The following KCNH7 variants were observed in gnomAD, a reference collection of about 807,000 sequenced individuals.
KCNH7 encodes voltage-gated inwardly rectifying potassium channel KCNH7.
In KCNH7, 49 loss-of-function variants were observed where a neutral mutation model predicts 120.8. The observed-to-expected ratio is 0.41, with a 90% CI of 0.32 to 0.51. The LOEUF is 0.51. Among genes scored for constraint, KCNH7 ranks in the 20% least tolerant of loss-of-function variants. The probability of loss-of-function intolerance (pLI) is 0.38; values close to 1 mark genes in which losing one functional copy is unlikely to be tolerated. For synonymous variants in KCNH7, 547 were observed against 516.1 expected (o/e 1.06, Z -0.81); for missense variants, 1,097 against 1,446.6 (o/e 0.76, Z 3.92).
At chr2:162,464,772 T>C (rs747464014) in intron 6 of KCNH7, among the ~76,000 whole-genome samples, 33 of 152,210 alleles carry the variant, frequency 2.2e-4, no homozygotes, top group Non-Finnish European at 4.4e-4. Flanking sequence ...ACTCATTTCA[T>C]AAATAATCCT....
intron 6 of KCNH7, among the ~76,000 whole-genome samples, chr2:162,491,425 C>T (rs1403790361): frequency 2.0e-5 from 3 of 152,174 alleles, no homozygotes; most frequent in Non-Finnish European, 4.4e-5. Context: ...ACTCCCTTTC[C>T]TCTCCCTTGT....
At chr2:162,388,581 T>C (rs529743371) in intron 12 of KCNH7, among the ~76,000 whole-genome samples, 58 of 152,038 alleles carry the variant, frequency 3.8e-4, no homozygotes, top group African/African-American at 1.4e-3. Flanking sequence ...AAGCTAATCA[T>C]TGTTTGCTAT....
chr2:162,450,326 T>A (rs188938457), intron 6 of KCNH7, among the ~76,000 whole-genome samples: 2 of 152,196 alleles, frequency 1.3e-5, no homozygotes, highest in East Asian at 3.9e-4. Context: ...CACTGCAATT[T>A]GGTATGTATA....
rs867337575 is a variant in KCNH7, at chr2:162,679,445, G to T, written c.308-142365C>A. Among the ~76,000 whole-genome samples, 3 of 151,266 alleles carry T rather than the reference G, an allele frequency of 2.0e-5. No homozygotes were observed. The East Asian group carries it at 5.8e-4, about 29-fold the overall frequency. ...TTGCATGTTATGCTTTTGGGAAGAG[G>T]GATTATTAAACCTTTAAAAACTCCT... is the stretch of plus-strand genomic sequence containing the variant. On this transcript the variant is annotated intron_variant, in intron 2 of 15. Transcript: ENST00000332142.
intron 13 of KCNH7, among the ~76,000 whole-genome samples, chr2:162,381,954 G>A (rs1004225264): frequency 6.6e-6 from 1 of 152,016 alleles, no homozygotes; most frequent in Non-Finnish European, 1.5e-5. Context: ...CTATATAAAT[G>A]GTCTGGTGAT....
intron 2 of KCNH7, among the ~76,000 whole-genome samples, chr2:162,617,978 A>G (rs1683210962): frequency 1.3e-5 from 2 of 152,018 alleles, no homozygotes; most frequent in African/African-American, 2.4e-5. Flanking sequence ...ATAAACTTAA[A>G]ATTTAGGGAG....
At chr2:162,443,447 C>G (rs1370790390) in intron 7 of KCNH7, among the ~76,000 whole-genome samples, 1 of 152,154 alleles carries the variant, frequency 6.6e-6, no homozygotes, top group African/African-American at 2.4e-5. Context: ...CAGCAACCCT[C>G]CTGCCCTTCA....
intron 2 of KCNH7, among the ~76,000 whole-genome samples, chr2:162,723,141 T>A (rs1687389132): frequency 6.6e-6 from 1 of 151,820 alleles, no homozygotes; most frequent in Non-Finnish European, 1.5e-5. Flanking sequence ...TTAGTGTTAG[T>A]TTTTGGAGAT....
In KCNH7 at chr2:162,504,663, A is replaced by G; in HGVS notation, c.914-6T>C. 1 of 1,578,202 alleles carries G rather than the reference A, an allele frequency of 6.3e-7. No individual in the cohort carries two copies. The highest frequency in any genetic ancestry group is 8.7e-7 in the Non-Finnish European group (1 of 1,148,962). ...CTTGATATGATTAAAAGGCCCTAAA[A>G]AAATGGAAAGTATTTGTAAGAGTAA... On this transcript the variant is annotated splice_polypyrimidine_tract_variant and splice_region_variant and intron_variant, in intron 5 of 15. Transcript: ENST00000332142.
At chr2:162,416,432 C>T (rs537447925) in intron 9 of KCNH7, among the ~76,000 whole-genome samples, 2 of 151,702 alleles carry the variant, frequency 1.3e-5, no homozygotes, top group East Asian at 3.9e-4. Flanking sequence ...CATAGTTAGG[C>T]TCTGGGCTAA....
chr2:162,443,894 T>C (rs1345001403), intron 7 of KCNH7, among the ~76,000 whole-genome samples: 1 of 152,182 alleles, frequency 6.6e-6, no homozygotes, highest in Admixed American at 6.6e-5. Flanking sequence ...ACCAGCCATC[T>C]TTCTGTTCCT....
At chr2:162,613,791 T>A (rs2105976438) in intron 2 of KCNH7, among the ~76,000 whole-genome samples, 1 of 152,000 alleles carries the variant, frequency 6.6e-6, no homozygotes, top group Admixed American at 6.6e-5. Flanking sequence ...TGGAGAAATA[T>A]ACTGGATAAA....
At position 162,643,132 on chromosome 2, in the gene KCNH7, G is replaced by A. The variant is rs145785878; in HGVS notation, c.308-106052C>T. ...CTTTGAAATATTTTAATGACTCTAA[G>A]AATTGCCCTTCCAGTGTTTTATGGT... On this transcript the variant is annotated intron_variant, in intron 2 of 15. Transcript: ENST00000332142. Among the ~76,000 whole-genome samples the A allele has an allele frequency of 4.8e-3, 729 of 152,232 alleles. 4 individuals carry two copies. Among genetic ancestry groups the A allele is most frequent in the Admixed American group, 0.011 (161 of 15,284 alleles).
intron 2 of KCNH7, among the ~76,000 whole-genome samples, chr2:162,740,463 G>A (rs533868347): frequency 6.6e-6 from 1 of 152,304 alleles, no homozygotes; most frequent in African/African-American, 2.4e-5. Flanking sequence ...GATGGGAGTG[G>A]GTGGGTAGGC....
intron 2 of KCNH7, among the ~76,000 whole-genome samples, chr2:162,546,311 C>CT (rs960151608): frequency 6.6e-5 from 10 of 150,676 alleles, no homozygotes; most frequent in Non-Finnish European, 1.0e-4. Context: ...ATTTTTAATT[C>CT]TTTTTTTTTA....
In KCNH7 at chr2:162,470,295, T is replaced by C. The variant is rs1689466176; in HGVS notation, c.1129-23852A>G. ...CTGCCCGCCCGCCCATCGTCTGAGATGTGGGGAGCGCCTCTGCCCTAGTGC... is the reference window on the plus strand; with the variant it reads ...CTGCCCGCCCGCCCATCGTCTGAGACGTGGGGAGCGCCTCTGCCCTAGTGC... On this transcript the variant is annotated intron_variant, in intron 6 of 15. Transcript: ENST00000332142. Among the ~76,000 whole-genome samples the C allele has an allele frequency of 2.7e-5, 4 of 149,250 alleles. No individual in the cohort carries two copies. In the South Asian group the frequency reaches 8.6e-4, roughly 32 times the overall value.
At chr2:162,639,502 C>G (rs1559058034) in intron 2 of KCNH7, among the ~76,000 whole-genome samples, 1 of 152,040 alleles carries the variant, frequency 6.6e-6, no homozygotes, top group South Asian at 2.1e-4. Context: ...AAAGCTCATG[C>G]ATACAAGTAG....
chr2:162,799,836 GC>G (rs1684278307), intron 2 of KCNH7, among the ~76,000 whole-genome samples: 1 of 151,744 alleles, frequency 6.6e-6, no homozygotes, highest in Non-Finnish European at 1.5e-5. Flanking sequence ...AAAGTCCAGG[GC>G]ATCATGAATT....
chr2:162,454,957 A>G (rs1183286888), intron 6 of KCNH7, among the ~76,000 whole-genome samples: 4 of 152,154 alleles, frequency 2.6e-5, no homozygotes, highest in African/African-American at 9.7e-5. Context: ...TGCCCTGGCC[A>G]GAACTTCCAA....
Sources: allele counts gnomAD v4.1 joint callset (sites outside exome capture counted in the v4.1 genomes callset), GRCh38; gene constraint gnomAD v4.1.1; transcripts MANE v1.5; gene names NCBI Gene and HGNC (gene_info 2026-07-23, HGNC 2026-07-21).